Variants in HYDIN observed in about 807,000 individuals in gnomAD.
The protein encoded by HYDIN is axonemal central pair apparatus protein HYDIN.
HYDIN carries 132 observed loss-of-function variants against 403.9 expected under a neutral mutation model. That is an observed-to-expected ratio of 0.33 (90% confidence interval 0.28 to 0.38). The LOEUF (loss-of-function observed/expected upper bound fraction) is 0.38. HYDIN is among the 10% of genes least tolerant of loss of function. HYDIN has a pLI of 1.00. For synonymous variants in HYDIN, 1,202 were observed against 1,891.7 expected (o/e 0.64, Z 9.46); for missense variants, 2,827 against 5,009.5 (o/e 0.56, Z 13.15).
chr16:71,221,758 T>G (rs970112732), intron 1 of HYDIN, among the ~76,000 whole-genome samples: 2 of 152,212 alleles, frequency 1.3e-5, no homozygotes, highest in Non-Finnish European at 2.9e-5. Context: ...CTTTAAGACA[T>G]TAGAGAGGTA....
At chr16:70,965,495 TTTG>T (rs1366058936) in intron 36 of HYDIN, among the ~76,000 whole-genome samples, 1 of 151,976 alleles carries the variant, frequency 6.6e-6, no homozygotes, top group Non-Finnish European at 1.5e-5. Context: ...CTAAAAAATA[TTTG>T]TTATTTATCT....
intron 17 of HYDIN, 98 bp downstream of exon 17, chr16:71,062,071 G>T: frequency 3.0e-6 from 3 of 1,005,842 alleles, no homozygotes; most frequent in Non-Finnish European, 4.5e-6. Context: ...AGCAACTGGG[G>T]TGTATGTGAA....
At chr16:71,203,830 C>T (rs147916844) in intron 1 of HYDIN, 465 of 455,308 alleles carry the variant, frequency 1.0e-3, no homozygotes, top group African/African-American at 8.4e-3. Flanking sequence ...ATTGGGAGGC[C>T]GAGGTGGGCA....
intron 5 of HYDIN, among the ~76,000 whole-genome samples, chr16:71,169,330 G>A (rs1251014409): frequency 2.0e-5 from 3 of 152,190 alleles, no homozygotes; most frequent in Admixed American, 6.5e-5. Flanking sequence ...CTACTAGGGA[G>A]GCTGAGGTGG....
At chr16:71,227,163 G>GTGTGTA (rs926823054) in intron 1 of HYDIN, among the ~76,000 whole-genome samples, 1 of 149,334 alleles carries the variant, frequency 6.7e-6, no homozygotes, top group African/African-American at 2.5e-5. Context: ...GTGTGTGTGT[G>GTGTGTA]TATATATATA....
chr16:71,202,813 G>C (rs981319256), intron 1 of HYDIN, among the ~76,000 whole-genome samples: 1 of 151,996 alleles, frequency 6.6e-6, no homozygotes, highest in Non-Finnish European at 1.5e-5. Context: ...TATTTCTTTT[G>C]GCTATCCAGT....
At chr16:71,158,842 C>T (rs1044767637) in intron 6 of HYDIN, among the ~76,000 whole-genome samples, 3 of 149,300 alleles carry the variant, frequency 2.0e-5, no homozygotes, top group Admixed American at 2.0e-4. Flanking sequence ...CCACTACACC[C>T]AGCTTATTTT....
At chr16:71,004,786 T>C (rs2079842297) in intron 23 of HYDIN, among the ~76,000 whole-genome samples, 1 of 152,164 alleles carries the variant, frequency 6.6e-6, no homozygotes, top group Non-Finnish European at 1.5e-5. Context: ...TGAAAAGAGT[T>C]TAAGTTTGAA....
chr16:71,195,907 A>C (rs530013854), intron 1 of HYDIN, among the ~76,000 whole-genome samples: 1 of 152,356 alleles, frequency 6.6e-6, no homozygotes, highest in East Asian at 1.9e-4. Context: ...CAGGTACTGG[A>C]AACTTGTTCA....
At chr16:70,859,755 C>T (rs930076285) in intron 71 of HYDIN, among the ~76,000 whole-genome samples, 2 of 152,116 alleles carry the variant, frequency 1.3e-5, no homozygotes, top group Admixed American at 6.5e-5. Context: ...ACTTTTTATG[C>T]TACTCTATGA....
intron 45 of HYDIN, among the ~76,000 whole-genome samples, chr16:70,928,027 G>A (rs1233710475): frequency 6.6e-6 from 1 of 151,764 alleles, no homozygotes; most frequent in East Asian, 1.9e-4. Context: ...CACAAGAGAT[G>A]TAGAAAGCAG....
chr16:71,227,120 CAT>C (rs552909330), intron 1 of HYDIN, among the ~76,000 whole-genome samples: 33 of 150,914 alleles, frequency 2.2e-4, no homozygotes, highest in African/African-American at 7.6e-4. Flanking sequence ...TGACTTTTGT[CAT>C]ATATATATGT....
At chr16:71,093,630 G>T in intron 11 of HYDIN, 187 bp downstream of exon 11, 2 of 382,834 alleles carry the variant, frequency 5.2e-6, no homozygotes, top group East Asian at 8.3e-5. Context: ...AGATAAAAAA[G>T]TTGTTCCCCT....
intron 23 of HYDIN, among the ~76,000 whole-genome samples, chr16:71,015,369 T>C (rs1335208839): frequency 1.3e-5 from 2 of 151,708 alleles, no homozygotes; most frequent in African/African-American, 2.4e-5. Context: ...CAAAAGTTCA[T>C]CCCTTTAATT....
Position 70,920,638 on chromosome 16 carries a change from T to C in HYDIN, c.7738A>G (p.Ser2580Gly). 6.2e-7 allele frequency: 1 copy of C among 1,613,962 alleles called. No individual in the cohort carries two copies. Among genetic ancestry groups the C allele is most frequent in the Non-Finnish European group, 8.5e-7 (1 of 1,179,946 alleles). ...DIQTPDFEGL[S>G]WKQALESDKL... is the part of the protein sequence containing the mutation. ...TCGCTCTCTAGGGCCTGCTTCCAGC[T>C]CAAGCCTTCAAAGTCTGGTGTCTGG... Residue 2580 changes from serine (S) to glycine (G), a missense_variant, in exon 46 of 86, where the codon AGC becomes GGC. Physicochemically the swap from Ser to Gly is moderately conservative, Grantham distance 56. Transcript: ENST00000393567.
At chr16:71,166,126 G>C (rs1303467613) in intron 5 of HYDIN, among the ~76,000 whole-genome samples, 1 of 134,030 alleles carries the variant, frequency 7.5e-6, no homozygotes, top group African/African-American at 3.1e-5. Flanking sequence ...ATGTGGACTT[G>C]TGTGGGCAAG....
intron 5 of HYDIN, among the ~76,000 whole-genome samples, chr16:71,172,086 A>T (rs1292211657): frequency 1.3e-5 from 2 of 152,198 alleles, no homozygotes; most frequent in Admixed American, 1.3e-4. Context: ...ATATAGTTTT[A>T]TTATTATTGT....
rs1338281182 is a variant in HYDIN, at chr16:70,879,452, T to C, written c.10402A>G (p.Ile3468Val). The C allele has an allele frequency of 5.0e-6, 8 of 1,613,016 alleles. No individual in the cohort carries two copies. The highest frequency in any genetic ancestry group is 1.3e-5 in the African/African-American group (1 of 74,964). The change falls in exon 62 of 86, where the codon ATC (isoleucine) becomes GTC (valine). Residue 3468 changes from isoleucine (I) to valine (V), a missense_variant. Coordinates refer to ENST00000393567, the MANE Select transcript of HYDIN (RefSeq NM_001270974.2). The stretch of plus-strand genomic sequence containing the variant: ...CGAGGGAGGTTCCCCTCACCAGCGA[T>C]GTCAAACACGAGGCCTCGGCTCTTG... ...LAKSRGLVFDIAGEGNLPRVT... is the reference protein window; with the variant it reads ...LAKSRGLVFDVAGEGNLPRVT...
intron 58 of HYDIN, among the ~76,000 whole-genome samples, chr16:70,886,238 T>C (rs1383918294): frequency 1.3e-5 from 2 of 151,860 alleles, no homozygotes; most frequent in Non-Finnish European, 2.9e-5. Flanking sequence ...TCCATGTACA[T>C]GCACCTCAGT....
Sources: gnomAD v4.1 joint callset for allele counts (sites outside exome capture counted in the v4.1 genomes callset) on GRCh38, gnomAD v4.1.1 for gene constraint, MANE v1.5 for transcripts, NCBI Gene and HGNC (gene_info 2026-07-23, HGNC 2026-07-21) for gene names.